The following LRRC36 variants were observed in gnomAD, a reference collection of about 807,000 sequenced individuals.
LRRC36 encodes the protein leucine rich repeat containing 36.
LRRC36 carries 62 observed loss-of-function variants against 81.1 expected under a neutral mutation model. The ratio of observed to expected loss-of-function variants is 0.76; its 90% CI spans 0.62 to 0.94. The LOEUF (loss-of-function observed/expected upper bound fraction) is 0.94, where lower values mean the gene tolerates loss of function less well. Among genes scored for constraint, LRRC36 ranks in the 40% least tolerant of loss-of-function variants. The pLI is 0.00. For synonymous variants in LRRC36, 334 were observed against 348.6 expected (o/e 0.96, Z 0.47); for missense variants, 761 against 881.7 (o/e 0.86, Z 1.73).
Position 67,385,181 on chromosome 16 carries a change from T to A in LRRC36, c.*92T>A. Reference sequence around the variant, plus strand: ...TATGGTGGTATGTACTCACAAAGATTAAGAAAGAAATGTATTCTGATTAGA... The same window carrying A: ...TATGGTGGTATGTACTCACAAAGATAAAGAAAGAAATGTATTCTGATTAGA... On this transcript the variant is annotated 3_prime_UTR_variant, in exon 14 of 14. Coordinates refer to ENST00000329956, the MANE Select transcript of LRRC36 (RefSeq NM_018296.6). The A allele has an allele frequency of 1.1e-6, 1 of 904,664 alleles. No homozygotes were observed. 56.0% of individuals were successfully genotyped at this position (904,664 alleles called of 1,614,324 possible).
chr16:67,352,429 A>G (rs2038686643), intron 5 of LRRC36, among the ~76,000 whole-genome samples: 1 of 152,114 alleles, frequency 6.6e-6, no homozygotes, highest in Admixed American at 6.5e-5. Flanking sequence ...TTTCCCACCA[A>G]TCATTGCGAA....
intron 13 of LRRC36, 57 bp from the exon 14 acceptor site, chr16:67,384,813 C>T: frequency 1.4e-6 from 2 of 1,391,130 alleles, no homozygotes; most frequent in Admixed American, 1.7e-5. Flanking sequence ...TTTGGGTCTG[C>T]ATGGTATCTC....
intron 5 of LRRC36, among the ~76,000 whole-genome samples, chr16:67,359,383 G>GTCA: frequency 6.6e-6 from 1 of 152,156 alleles, no homozygotes. Flanking sequence ...AGACAAAAAG[G>GTCA]TCATATATTG....
chr16:67,331,128 T>A (rs2037472103), intron 1 of LRRC36, among the ~76,000 whole-genome samples: 1 of 143,238 alleles, frequency 7.0e-6, no homozygotes, highest in Non-Finnish European at 1.5e-5. Flanking sequence ...CTGAACTAAT[T>A]CCTTTATTAG....
At chr16:67,349,919 C>T (rs950570234) in intron 4 of LRRC36, among the ~76,000 whole-genome samples, 7 of 152,126 alleles carry the variant, frequency 4.6e-5, no homozygotes, top group South Asian at 2.1e-4. Context: ...CGCCACCACA[C>T]GTGGCTGATT....
intron 1 of LRRC36, among the ~76,000 whole-genome samples, chr16:67,341,739 C>G (rs183941299): frequency 6.6e-6 from 1 of 152,090 alleles, no homozygotes; most frequent in Admixed American, 6.6e-5. Context: ...GTACATCCTT[C>G]AGGGAAATTA....
chr16:67,333,373 C>T (rs996801105), intron 1 of LRRC36, among the ~76,000 whole-genome samples: 4 of 152,116 alleles, frequency 2.6e-5, no homozygotes, highest in African/African-American at 9.7e-5. Context: ...TTCAAGTGAT[C>T]CACCTGCCTC....
intron 7 of LRRC36, among the ~76,000 whole-genome samples, chr16:67,366,482 G>T (rs2039394261): frequency 6.6e-6 from 1 of 152,178 alleles, no homozygotes; most frequent in African/African-American, 2.4e-5. Context: ...GGGCATGGTG[G>T]TGCTTGCCTA....
At chr16:67,355,413 C>T (rs1436671930) in intron 5 of LRRC36, among the ~76,000 whole-genome samples, 2 of 113,264 alleles carry the variant, frequency 1.8e-5, no homozygotes, top group South Asian at 6.3e-4. Flanking sequence ...CTCGCTCTGT[C>T]GCCCAGGCTG....
At chr16:67,374,020 A>G (rs2039776202) in intron 9 of LRRC36, among the ~76,000 whole-genome samples, 1 of 151,770 alleles carries the variant, frequency 6.6e-6, no homozygotes, top group South Asian at 2.1e-4. Flanking sequence ...CTCAAAAAAT[A>G]AATAAACACA....
rs7184290 is a variant in LRRC36, at chr16:67,376,794, T to C, written c.1728T>C (p.His576=). Reference sequence around the variant, plus strand: ...CTTCTCAGCCGAGGTGTTGCTCACATCCTGAAGACACGATGAAAGCATTCT... The same window carrying C: ...CTTCTCAGCCGAGGTGTTGCTCACACCCTGAAGACACGATGAAAGCATTCT... ...PAPSQPRCCS[H]PEDTMKAFCR... The change falls in exon 11 of 14, where the codon CAT becomes CAC. Residue 576 remains histidine, a synonymous_variant. Coordinates refer to ENST00000329956, the MANE Select transcript of LRRC36 (RefSeq NM_018296.6). The C allele has an allele frequency of 0.016, 26,194 of 1,613,874 alleles. 3,417 individuals carry two copies. In the African/African-American group the frequency reaches 0.3, roughly 18 times the overall value.
At chr16:67,341,325 T>G (rs1442621817) in intron 1 of LRRC36, among the ~76,000 whole-genome samples, 1 of 147,494 alleles carries the variant, frequency 6.8e-6, no homozygotes, top group African/African-American at 2.5e-5. Flanking sequence ...AGACTATATA[T>G]AGTCTATATA....
At chr16:67,360,005 G>T (rs1446678825) in intron 5 of LRRC36, among the ~76,000 whole-genome samples, 1 of 152,038 alleles carries the variant, frequency 6.6e-6, no homozygotes, top group Non-Finnish European at 1.5e-5. Flanking sequence ...CATACCTGTA[G>T]TCCCAGCTAC....
Position 67,384,867 on chromosome 16 carries a change from C to T in LRRC36, c.2046-3C>T, listed in dbSNP as rs1469510838. On this transcript the variant is annotated splice_polypyrimidine_tract_variant and splice_region_variant and intron_variant, in intron 13 of 13. Coordinates refer to ENST00000329956, the MANE Select transcript of LRRC36 (RefSeq NM_018296.6). The stretch of plus-strand genomic sequence containing the variant: ...ATGACTGCCTTTTTCCCTTGGGCCT[C>T]AGATCCCTGGTGGTAACTAATGAGT... 1.2e-6 allele frequency: 2 copies of T among 1,612,502 alleles called. No individual in the cohort carries two copies. Among genetic ancestry groups the T allele is most frequent in the South Asian group, 2.2e-5 (2 of 91,042 alleles).
chr16:67,378,232 A>ATTT (rs1273856739), intron 11 of LRRC36, among the ~76,000 whole-genome samples: 3 of 112,042 alleles, frequency 2.7e-5, no homozygotes, highest in Admixed American at 8.0e-5. Context: ...AGCATGTCAG[A>ATTT]TTCTTTTTTT....
chr16:67,340,655 C>A (rs754591736), intron 1 of LRRC36, among the ~76,000 whole-genome samples: 18 of 149,340 alleles, frequency 1.2e-4, no homozygotes, highest in Non-Finnish European at 2.4e-4. Context: ...GACTCCATCT[C>A]AAAAAAAATA....
intron 12 of LRRC36, among the ~76,000 whole-genome samples, chr16:67,380,645 G>A (rs1430479853): frequency 1.3e-5 from 2 of 152,210 alleles, no homozygotes; most frequent in East Asian, 1.9e-4. Context: ...TCACAGGCCC[G>A]AATAATCAAG....
intron 12 of LRRC36, among the ~76,000 whole-genome samples, chr16:67,380,855 A>G (rs1236635749): frequency 1.3e-5 from 2 of 152,188 alleles, no homozygotes; most frequent in African/African-American, 4.8e-5. Flanking sequence ...AGCTTGCTAA[A>G]CAAGTGGGGC....
intron 4 of LRRC36, among the ~76,000 whole-genome samples, chr16:67,349,544 C>T (rs2038516661): frequency 6.6e-6 from 1 of 152,122 alleles, no homozygotes; most frequent in Admixed American, 6.6e-5. Flanking sequence ...CAGAACCTTC[C>T]TTTCTGTGTC....
Sources: gnomAD v4.1 joint callset for allele counts (sites outside exome capture counted in the v4.1 genomes callset) on GRCh38, gnomAD v4.1.1 for gene constraint, MANE v1.5 for transcripts, NCBI Gene and HGNC (gene_info 2026-07-23, HGNC 2026-07-21) for gene names.